The following TLE3 variants were observed in gnomAD, a reference collection of about 807,000 sequenced individuals.
TLE3 encodes the protein TLE family member 3, transcriptional corepressor.
In TLE3, 14 loss-of-function variants were observed where a neutral mutation model predicts 93.0. The observed-to-expected ratio is 0.15, with a 90% CI of 0.10 to 0.24. TLE3 has a LOEUF of 0.24. Among genes scored for constraint, TLE3 ranks in the 10% least tolerant of loss-of-function variants. The probability of loss-of-function intolerance (pLI) is 1.00; values close to 1 mark genes in which losing one functional copy is unlikely to be tolerated. For synonymous variants in TLE3, 451 were observed against 425.0 expected, an observed-to-expected ratio of 1.06 and a Z score of -0.75; for missense variants, 693 against 1,046.6, an observed-to-expected ratio of 0.66 and a Z score of 4.66.
At chr15:70,091,821 A>G (rs1182946415) in intron 4 of TLE3, among the ~76,000 whole-genome samples, 8 of 152,208 alleles carry the variant, frequency 5.3e-5, no homozygotes, top group African/African-American at 1.9e-4. Flanking sequence ...GGCATTTCCC[A>G]TAGAGCCAGC....
rs895301416 is a variant in TLE3 at position 70,054,802 on chromosome 15, C to T, written c.1579-117G>A. 5.1e-6 allele frequency: 7 copies of T among 1,372,972 alleles called. No homozygotes were observed. The African/African-American group carries it at 8.8e-5, about 17-fold the overall frequency. 85.0% of individuals were successfully genotyped at this position (1,372,972 alleles called of 1,614,324 possible). On this transcript the variant is annotated intron_variant, in intron 15 of 19. Coordinates refer to ENST00000451782, the MANE Select transcript of TLE3 (RefSeq NM_001105192.3). ...GTCCTGCTTACAGCCTCCCCCTATA[C>T]CCAGCAGCTGCCAGGCTGTCCCCAT...
In TLE3 at chr15:70,058,807, T is replaced by C. The variant is rs763938910; in HGVS notation, c.774A>G (p.Ala258=). The C allele has an allele frequency of 6.3e-7, 1 of 1,579,268 alleles. No homozygotes were observed. The highest frequency in any genetic ancestry group is 8.6e-7 in the Non-Finnish European group (1 of 1,165,178). The change falls in exon 11 of 20, where the codon GCA becomes GCG. Residue 258 remains alanine, a synonymous_variant. Coordinates refer to ENST00000451782, the MANE Select transcript of TLE3 (RefSeq NM_001105192.3). This position sits in a 1 kb window ranked among gnomAD's most constrained non-coding sequence, Gnocchi z 4.1. ...AGTGTGCCGGGCTGACCCGGGGCGTTGCGGGGTCCTGAAAACACAAGTGAT... is the reference window on the plus strand; with the variant it reads ...AGTGTGCCGGGCTGACCCGGGGCGTCGCGGGGTCCTGAAAACACAAGTGAT... ...LVVDVSNEDP[A]TPRVSPAHSP...
chr15:70,063,697 T>A (rs973019888), intron 8 of TLE3, among the ~76,000 whole-genome samples: 1 of 152,246 alleles, frequency 6.6e-6, no homozygotes, highest in East Asian at 1.9e-4. Context: ...GGATTTTTTT[T>A]ATCCAGACTC....
intron 18 of TLE3, among the ~76,000 whole-genome samples, chr15:70,051,672 G>A (rs1036157578): frequency 1.3e-5 from 2 of 152,036 alleles, no homozygotes; most frequent in East Asian, 1.9e-4. Flanking sequence ...AGGGCTGGGC[G>A]GGGCTAGGAT....
intron 10 of TLE3, 97 bp downstream of exon 10, chr15:70,059,313 G>T (rs1595885456): frequency 2.1e-6 from 3 of 1,418,906 alleles, no homozygotes; most frequent in Admixed American, 4.4e-5. Context: ...CAGGCTGCCA[G>T]TAATACTAGA....
At chr15:70,070,283 G>T (rs950241864) in intron 6 of TLE3, among the ~76,000 whole-genome samples, 11 of 152,226 alleles carry the variant, frequency 7.2e-5, no homozygotes, top group African/African-American at 2.4e-4. Context: ...TCACTTCCAG[G>T]AGAGGTTGAA....
At chr15:70,057,420 C>A (rs372843298) in intron 13 of TLE3, 39 bp downstream of exon 13, 6 of 1,547,328 alleles carry the variant, frequency 3.9e-6, no homozygotes, top group Admixed American at 2.0e-5. Flanking sequence ...CCCCACACCA[C>A]GCCCAGTCCC....
intron 6 of TLE3, 156 bp downstream of exon 6, chr15:70,074,377 A>T: frequency 1.2e-6 from 1 of 852,918 alleles, no homozygotes; most frequent in Non-Finnish European, 1.8e-6. Context: ...ACAGCCCTAC[A>T]TGGGTCCAAG....
chr15:70,083,385 T>C (rs1036109224), intron 4 of TLE3, among the ~76,000 whole-genome samples: 3 of 152,202 alleles, frequency 2.0e-5, no homozygotes, highest in Admixed American at 2.0e-4. Context: ...CACTAAACTC[T>C]GCTTGCCTCC....
chr15:70,067,874 A>G (rs903695564), intron 6 of TLE3, among the ~76,000 whole-genome samples: 2 of 152,216 alleles, frequency 1.3e-5, no homozygotes, highest in Non-Finnish European at 2.9e-5. Flanking sequence ...AAGCTGTCAG[A>G]GCACTTCTGT....
rs1420907253 is a variant in TLE3 at position 70,096,890 on chromosome 15, G to C, written c.-92C>G. On this transcript the variant is annotated 5_prime_UTR_variant, in exon 1 of 20. Coordinates refer to ENST00000451782, the MANE Select transcript of TLE3 (RefSeq NM_001105192.3). ...GAGGGGGGAGCCGAGCCCGAGCGGGGGGCGGCCGGGAAACCGAGAGCTCGC... is the reference window on the plus strand; with the variant it reads ...GAGGGGGGAGCCGAGCCCGAGCGGGCGGCGGCCGGGAAACCGAGAGCTCGC... 5 of 1,441,978 alleles carry C rather than the reference G, an allele frequency of 3.5e-6. No individual in the cohort carries two copies. Among genetic ancestry groups the C allele is most frequent in the Non-Finnish European group, 4.7e-6 (5 of 1,057,674 alleles). The allele number at this position is 1,441,978 out of a possible 1,614,324, so 89.3% of individuals were successfully genotyped here. A position where few individuals can be genotyped will look rare whatever the true frequency, so the allele number is the denominator to read the frequency against.
At chr15:70,057,035 G>C (rs968243746) in intron 13 of TLE3, among the ~76,000 whole-genome samples, 3 of 152,216 alleles carry the variant, frequency 2.0e-5, no homozygotes, top group Non-Finnish European at 4.4e-5. Context: ...TTACAGGCGT[G>C]AGCCACTGCG....
chr15:70,081,712 C>T (rs750230367), intron 4 of TLE3, among the ~76,000 whole-genome samples: 2 of 152,210 alleles, frequency 1.3e-5, no homozygotes, highest in Non-Finnish European at 2.9e-5. Context: ...AGGATTTCTT[C>T]TTCGGAAAAT....
At position 70,097,462 on chromosome 15, in the gene TLE3, C is replaced by CGCCGCCGCCGCT. The variant is rs1242841435; in HGVS notation, c.-676_-665dup. The CGCCGCCGCCGCT allele has an allele frequency of 2.4e-6, 1 of 417,306 alleles. No homozygotes were observed. The highest frequency in any genetic ancestry group is 4.2e-6 in the Non-Finnish European group (1 of 238,354). The allele number at this position is 417,306 out of a possible 1,614,324, so 25.9% of individuals were successfully genotyped here. On this transcript the variant is annotated 5_prime_UTR_variant, in exon 1 of 20. Transcript: ENST00000451782. ...CGTCTGCTACTGCCGCTGCCGCCGC[C>CGCCGCCGCCGCT]GCCGCCGCCGCTGCAAGCCCTTCCC...
At chr15:70,096,622 G>C in intron 1 of TLE3, 153 bp downstream of exon 1, 1 of 1,544,378 alleles carries the variant, frequency 6.5e-7, no homozygotes, top group Non-Finnish European at 8.7e-7. Context: ...TCTCTCAACG[G>C]CGCCCCCCGG....
intron 4 of TLE3, among the ~76,000 whole-genome samples, chr15:70,082,686 C>T (rs527837234): frequency 1.2e-4 from 18 of 152,360 alleles, no homozygotes; most frequent in Non-Finnish European, 2.2e-4. Context: ...CCCCCCTCAG[C>T]GTGACCCTGA....
chr15:70,094,487 G>A, intron 4 of TLE3, 45 bp downstream of exon 4: 1 of 1,446,930 alleles, frequency 6.9e-7, no homozygotes, highest in South Asian at 1.3e-5. Flanking sequence ...ACATATATAA[G>A]TTTTTAAAAA....
chr15:70,050,371 G>A (rs959277011), intron 19 of TLE3, 167 bp from the exon 20 acceptor site: 5 of 498,272 alleles, frequency 1.0e-5, no homozygotes, highest in Non-Finnish European at 1.8e-5. Flanking sequence ...CGGTGAAGAG[G>A]AGGTGGGGGA....
intron 2 of TLE3, 114 bp downstream of exon 2, chr15:70,096,047 C>G: frequency 8.1e-7 from 1 of 1,229,928 alleles, no homozygotes; most frequent in Non-Finnish European, 1.1e-6. Flanking sequence ...GAGGCCCGGG[C>G]TGCCCCGCCG....
Sources: allele counts gnomAD v4.1 joint callset (sites outside exome capture counted in the v4.1 genomes callset), GRCh38; gene constraint gnomAD v4.1.1; non-coding constraint Gnocchi (gnomAD v3.1); transcripts MANE v1.5; gene names NCBI Gene and HGNC (gene_info 2026-07-23, HGNC 2026-07-21).